TYR: variants seen among roughly 807,000 people sequenced by gnomAD.
The protein encoded by TYR is LB24-AB.
Under a neutral mutation model 51.5 loss-of-function variants are expected in TYR, and 58 were observed. The ratio of observed to expected loss-of-function variants is 1.13; its 90% CI spans 0.91 to 1.40. The LOEUF is 1.40. TYR is among the 40% of genes most tolerant of loss of function. The probability of loss-of-function intolerance (pLI) is 0.00; values close to 1 mark genes in which losing one functional copy is unlikely to be tolerated. For synonymous variants in TYR, 263 were observed against 235.2 expected (o/e 1.12, Z -1.08); for missense variants, 732 against 647.4 (o/e 1.13, Z -1.42).
chr11:89,294,574 C>T (rs1053031827), intron 4 of TYR, among the ~76,000 whole-genome samples: 5 of 152,176 alleles, frequency 3.3e-5, no homozygotes, highest in African/African-American at 7.2e-5. Flanking sequence ...CCAAGAGCGC[C>T]CCCAACCCCC....
chr11:89,226,598 A>ACAAGGGG (rs1434881559), intron 2 of TYR, among the ~76,000 whole-genome samples: 1 of 152,138 alleles, frequency 6.6e-6, no homozygotes, highest in East Asian at 1.9e-4. Flanking sequence ...GGGCAGAAAC[A>ACAAGGGG]CTGTCAGTCA....
chr11:89,211,561 A>T (rs1013547384), intron 2 of TYR, among the ~76,000 whole-genome samples: 3 of 152,234 alleles, frequency 2.0e-5, no homozygotes, highest in Non-Finnish European at 4.4e-5. Flanking sequence ...AAAATTAGCA[A>T]GGTTATCCGG....
chr11:89,181,016 A>C (rs1943293411), intron 1 of TYR, among the ~76,000 whole-genome samples: 1 of 152,180 alleles, frequency 6.6e-6, no homozygotes, highest in African/African-American at 2.4e-5. Context: ...CCAGAAATTC[A>C]GATTCAGGTG....
At chr11:89,250,664 A>G (rs554240909) in intron 3 of TYR, among the ~76,000 whole-genome samples, 9 of 151,946 alleles carry the variant, frequency 5.9e-5, no homozygotes, top group Admixed American at 3.9e-4. Context: ...TCTTCTTGCT[A>G]TGTCTTCATA....
chr11:89,237,883 T>G (rs2135288953), intron 3 of TYR, among the ~76,000 whole-genome samples: 1 of 152,228 alleles, frequency 6.6e-6, no homozygotes, highest in African/African-American at 2.4e-5. Context: ...TCACCCAGAC[T>G]GGAGTGCAGT....
At chr11:89,208,770 T>C (rs559494103) in intron 2 of TYR, among the ~76,000 whole-genome samples, 1 of 152,362 alleles carries the variant, frequency 6.6e-6, no homozygotes, top group South Asian at 2.1e-4. Flanking sequence ...TTTGTAATCA[T>C]TCTTCTTAGA....
chr11:89,187,439 T>C (rs1467219709), intron 1 of TYR, among the ~76,000 whole-genome samples: 1 of 152,156 alleles, frequency 6.6e-6, no homozygotes. Context: ...TATCTTAACA[T>C]GGGGACTTGC....
intron 3 of TYR, among the ~76,000 whole-genome samples, chr11:89,269,677 T>C (rs1460057053): frequency 6.6e-6 from 1 of 151,964 alleles, no homozygotes; most frequent in Non-Finnish European, 1.5e-5. Context: ...ATACTTAAAA[T>C]TGTAGTTAAT....
At chr11:89,180,719 A>C (rs1943290163) in intron 1 of TYR, among the ~76,000 whole-genome samples, 1 of 152,158 alleles carries the variant, frequency 6.6e-6, no homozygotes, top group Admixed American at 6.5e-5. Flanking sequence ...AGCAAACCAC[A>C]GTTTAAGAAA....
chr11:89,196,273 G>T (rs1943517397), intron 2 of TYR, among the ~76,000 whole-genome samples: 1 of 152,118 alleles, frequency 6.6e-6, no homozygotes, highest in Non-Finnish European at 1.5e-5. Context: ...CCTACATTTA[G>T]TGGAAAAATA....
intron 3 of TYR, among the ~76,000 whole-genome samples, chr11:89,262,001 A>C (rs1182035568): frequency 6.6e-6 from 1 of 152,192 alleles, no homozygotes; most frequent in East Asian, 1.9e-4. Flanking sequence ...GCTTTGAGAT[A>C]AATTAAAAAC....
intron 3 of TYR, among the ~76,000 whole-genome samples, chr11:89,258,822 G>A (rs2135305507): frequency 6.6e-6 from 1 of 152,118 alleles, no homozygotes; most frequent in Non-Finnish European, 1.5e-5. Flanking sequence ...TAATACCAGA[G>A]ACCAACTATG....
chr11:89,226,586 A>C (rs1392379448), intron 2 of TYR, among the ~76,000 whole-genome samples: 1 of 152,140 alleles, frequency 6.6e-6, no homozygotes, highest in Non-Finnish European at 1.5e-5. Context: ...CACTACCCGA[A>C]GGGGCAGAAA....
chr11:89,227,683 C>A (rs1320820915), intron 2 of TYR, 140 bp from the exon 3 acceptor site: 1 of 760,140 alleles, frequency 1.3e-6, no homozygotes, highest in Admixed American at 2.5e-5. Context: ...TGTAAAGAGT[C>A]TCAATACGGA....
chr11:89,207,975 A>T (rs1414926168), intron 2 of TYR, among the ~76,000 whole-genome samples: 2 of 152,220 alleles, frequency 1.3e-5, no homozygotes, highest in African/African-American at 2.4e-5. Context: ...ACTCAAAATA[A>T]AAAGTTTTTA....
At chr11:89,290,873 A>T (rs1333161167) in intron 4 of TYR, among the ~76,000 whole-genome samples, 1 of 151,974 alleles carries the variant, frequency 6.6e-6, no homozygotes, top group Non-Finnish European at 1.5e-5. Flanking sequence ...TATATCTTCT[A>T]TATGCATTAT....
chr11:89,256,922 TCAGATTTTTGAG>T (rs994432573), intron 3 of TYR, among the ~76,000 whole-genome samples: 167 of 151,956 alleles, frequency 1.1e-3, no homozygotes, highest in African/African-American at 3.8e-3. Context: ...GAACTAGATC[TCAGATTTTTGAG>T]CAGAGAGGGA....
At chr11:89,282,109 G>A (rs532252056) in intron 3 of TYR, among the ~76,000 whole-genome samples, 13 of 151,864 alleles carry the variant, frequency 8.6e-5, no homozygotes, top group Non-Finnish European at 1.9e-4. Context: ...GCACATTAAT[G>A]GTTTCATCCA....
chr11:89,273,202 T>C (rs1436924027), intron 3 of TYR, among the ~76,000 whole-genome samples: 1 of 151,946 alleles, frequency 6.6e-6, no homozygotes, highest in Admixed American at 6.6e-5. Context: ...AATATTTATC[T>C]AATATTATTC....
Sources: allele counts gnomAD v4.1 joint callset (sites outside exome capture counted in the v4.1 genomes callset), GRCh38; gene constraint gnomAD v4.1.1; transcripts MANE v1.5; gene names NCBI Gene and HGNC (gene_info 2026-07-23, HGNC 2026-07-21).